The following TEKT5 variants were observed in gnomAD, a reference collection of about 807,000 sequenced individuals.
TEKT5 encodes the protein tektin-5.
In TEKT5, 52 loss-of-function variants were observed where a neutral mutation model predicts 48.7. The ratio of observed to expected loss-of-function variants is 1.07; its 90% CI spans 0.86 to 1.35. The LOEUF is 1.35. Ranked by LOEUF, TEKT5 falls within the 40% of genes most tolerant of loss-of-function variation. TEKT5 has a pLI of 0.00. For synonymous variants in TEKT5, 318 were observed against 267.6 expected (o/e 1.19, Z -1.84); for missense variants, 831 against 641.6 (o/e 1.30, Z -3.19).
chr16:10,639,303 C>T (rs60015018), intron 5 of TEKT5, among the ~76,000 whole-genome samples: 1 of 145,140 alleles, frequency 6.9e-6, no homozygotes, highest in South Asian at 2.1e-4. Context: ...AACAAAAACC[C>T]TATCTCCAAA....
rs558158344 is a variant in TEKT5, at chr16:10,630,941, G to A, written c.1242-3142C>T. Among the ~76,000 whole-genome samples the A allele has an allele frequency of 4.0e-5, 6 of 151,858 alleles. No homozygotes were observed. In the South Asian group the frequency reaches 1.0e-3, roughly 26 times the overall value. On this transcript the variant is annotated intron_variant, in intron 6 of 6. Coordinates refer to ENST00000283025, the MANE Select transcript of TEKT5 (RefSeq NM_144674.2). Reference sequence around the variant, plus strand: ...TGGGAGGCTGACCCAGGAGGCAGAGGTTGCAGCCTGTCATCCCAGCACTTT... The same window carrying A: ...TGGGAGGCTGACCCAGGAGGCAGAGATTGCAGCCTGTCATCCCAGCACTTT...
At chr16:10,641,569 C>A (rs1362893503) in intron 5 of TEKT5, among the ~76,000 whole-genome samples, 2 of 152,194 alleles carry the variant, frequency 1.3e-5, no homozygotes, top group Non-Finnish European at 2.9e-5. Context: ...CCTATAATTG[C>A]AGCACTTTGG....
Position 10,667,672 on chromosome 16 carries a change from A to C in TEKT5, c.1086+8287T>G, listed in dbSNP as rs566113354. 5.3e-5 allele frequency among the ~76,000 whole-genome samples: 8 copies of C among 152,296 alleles called. No individual in the cohort carries two copies. The South Asian group carries it at 1.7e-3, about 32-fold the overall frequency. On this transcript the variant is annotated intron_variant, in intron 5 of 6. Transcript: ENST00000283025. ...CTTTTAACATTCCCAAATTTCAGGT[A>C]CTGGGCAGCATCGTCATCATATTTC...
intron 5 of TEKT5, among the ~76,000 whole-genome samples, chr16:10,662,756 T>C (rs1296243504): frequency 6.6e-6 from 1 of 152,202 alleles, no homozygotes; most frequent in Non-Finnish European, 1.5e-5. Flanking sequence ...AGCTCTGCCA[T>C]TTCCTAGCTG....
rs554591949 is a variant in TEKT5, at chr16:10,678,493, G to A, written c.864-2312C>T. Among the ~76,000 whole-genome samples the A allele has an allele frequency of 3.0e-3, 461 of 152,254 alleles. 3 individuals are homozygous for A. The highest frequency in any genetic ancestry group is 0.011 in the African/African-American group (437 of 41,536). On this transcript the variant is annotated intron_variant, in intron 4 of 6. Transcript: ENST00000283025. ...GTGATTGTTTTGCTTGGCTTTTGCAGGAGTTAAAAATCAAGCAATAAACAG... is the reference window on the plus strand; with the variant it reads ...GTGATTGTTTTGCTTGGCTTTTGCAAGAGTTAAAAATCAAGCAATAAACAG...
At chr16:10,658,882 T>A (rs1379818690) in intron 5 of TEKT5, among the ~76,000 whole-genome samples, 2 of 152,068 alleles carry the variant, frequency 1.3e-5, no homozygotes, top group Admixed American at 1.3e-4. Flanking sequence ...CACACCCGGT[T>A]AATTTTTGTA....
chr16:10,652,875 C>G (rs551351805), intron 5 of TEKT5, among the ~76,000 whole-genome samples: 1 of 142,646 alleles, frequency 7.0e-6, no homozygotes, highest in Admixed American at 7.0e-5. Context: ...ACACACCCTC[C>G]AGGTCAGGTA....
At position 10,633,068 on chromosome 16, in the gene TEKT5, G is replaced by T. The variant is rs550658338; in HGVS notation, c.1241+2696C>A. ...CCCCCAGAAGCCCTGTTCTGTAGAA[G>T]TCCCCTGGCGGGGCCGCCACTGTGG... On this transcript the variant is annotated intron_variant, in intron 6 of 6. Transcript: ENST00000283025. 5.3e-5 allele frequency among the ~76,000 whole-genome samples: 8 copies of T among 152,272 alleles called. No homozygotes were observed. The East Asian group carries it at 1.4e-3, about 26-fold the overall frequency.
In TEKT5 at chr16:10,694,743, T is replaced by C. The variant is rs767542553; in HGVS notation, c.131A>G (p.Tyr44Cys). 10 of 1,614,014 alleles carry C rather than the reference T, an allele frequency of 6.2e-6. No individual in the cohort carries two copies. In the African/African-American group the frequency reaches 9.3e-5, roughly 15 times the overall value. The change falls in exon 1 of 7, where the codon TAC becomes TGC. Residue 44 changes from tyrosine to cysteine, a missense_variant. Coordinates refer to ENST00000283025, the MANE Select transcript of TEKT5 (RefSeq NM_144674.2). ...AGGCCTCCATGAATTGAGGTAGCGG[T>C]ACCCGGGCAGGTAGTAGGGCTGATA... Reference protein sequence around the residue: ...ECYQPYYLPGYRYLNSWRPSL... With the variant: ...ECYQPYYLPGCRYLNSWRPSL...
chr16:10,652,603 GACACACACACACACAC>G (rs71133381), intron 5 of TEKT5, among the ~76,000 whole-genome samples: 1 of 12,242 alleles, frequency 8.2e-5, no homozygotes, highest in African/African-American at 4.8e-4. Flanking sequence ...TACACAGGCA[GACACACACACACACAC>G]ACACACACAC....
chr16:10,657,612 T>G (rs908318813), intron 5 of TEKT5, among the ~76,000 whole-genome samples: 4 of 150,180 alleles, frequency 2.7e-5, no homozygotes, highest in African/African-American at 9.8e-5. Flanking sequence ...TTCCCTGAGA[T>G]GGAGTCTCGC....
intron 5 of TEKT5, among the ~76,000 whole-genome samples, chr16:10,647,107 G>C (rs1467844227): frequency 1.3e-5 from 2 of 152,056 alleles, no homozygotes; most frequent in Admixed American, 1.3e-4. Context: ...CTACCATCTA[G>C]GCGTCCCTAC....
At chr16:10,635,970 C>G in intron 5 of TEKT5, 52 bp from the exon 6 acceptor site, 4 of 1,599,444 alleles carry the variant, frequency 2.5e-6, no homozygotes, top group Non-Finnish European at 3.4e-6. Context: ...CTGACCTCCT[C>G]TGACTGGGGG....
At position 10,652,719 on chromosome 16, in the gene TEKT5, A is replaced by ACT. The variant is rs768506567; in HGVS notation, c.1087-16802_1087-16801insAG. ...CACACACACACACACACACACACACACACACCCTCCAGGCCAGGTAGAGTG... is the reference window on the plus strand; with the variant it reads ...CACACACACACACACACACACACACACTCACACCCTCCAGGCCAGGTAGAGTG... On this transcript the variant is annotated intron_variant, in intron 5 of 6. Coordinates refer to ENST00000283025, the MANE Select transcript of TEKT5 (RefSeq NM_144674.2). Among the ~76,000 whole-genome samples, 746 of 89,538 alleles carry ACT rather than the reference A, an allele frequency of 8.3e-3. 85 individuals carry two copies. Among genetic ancestry groups the ACT allele is most frequent in the Non-Finnish European group, 0.012 (554 of 47,260 alleles). The allele number at this position is 89,538 out of a possible 152,430, so 58.7% of individuals were successfully genotyped here.
chr16:10,685,116 G>A (rs757201279), intron 3 of TEKT5, among the ~76,000 whole-genome samples: 1 of 152,208 alleles, frequency 6.6e-6, no homozygotes, highest in Non-Finnish European at 1.5e-5. Context: ...ACTGCCCAGC[G>A]ACAAACAGCC....
rs548229122 is a variant in TEKT5, at chr16:10,682,150, G to A, written c.720-14C>T. Reference sequence around the variant, plus strand: ...TCCCGGTTATCCCTGCAGGGAGGGAGGAGTCATTCCTGGACTATGCACCTG... The same window carrying A: ...TCCCGGTTATCCCTGCAGGGAGGGAAGAGTCATTCCTGGACTATGCACCTG... On this transcript the variant is annotated splice_polypyrimidine_tract_variant and intron_variant, in intron 3 of 6. Transcript: ENST00000283025. The A allele has an allele frequency of 1.2e-6, 2 of 1,613,510 alleles. No homozygotes were observed. Among genetic ancestry groups the A allele is most frequent in the Admixed American group, 3.3e-5 (2 of 60,000 alleles).
chr16:10,674,880 T>C (rs1898617555), intron 5 of TEKT5, among the ~76,000 whole-genome samples: 2 of 151,410 alleles, frequency 1.3e-5, no homozygotes, highest in East Asian at 1.9e-4. Flanking sequence ...TGGAGTGCAG[T>C]GGTGTGATCT....
chr16:10,684,737 G>A (rs1190374296), intron 3 of TEKT5, among the ~76,000 whole-genome samples: 1 of 152,146 alleles, frequency 6.6e-6, no homozygotes, highest in Non-Finnish European at 1.5e-5. Context: ...GGAAAGAGGA[G>A]GCAGTCCTGT....
At chr16:10,631,271 AAAG>A (rs1426255350) in intron 6 of TEKT5, among the ~76,000 whole-genome samples, 2 of 139,326 alleles carry the variant, frequency 1.4e-5, no homozygotes, top group East Asian at 2.1e-4. Context: ...AAAAAAAAAA[AAAG>A]AGAGAGAGAG....
Sources: gnomAD v4.1 joint callset for allele counts (sites outside exome capture counted in the v4.1 genomes callset) on GRCh38, gnomAD v4.1.1 for gene constraint, MANE v1.5 for transcripts, NCBI Gene and HGNC (gene_info 2026-07-23, HGNC 2026-07-21) for gene names.